Variants in ITGAM observed in about 807,000 individuals in gnomAD.
ITGAM encodes the protein integrin alpha-M.
Under a neutral mutation model 137.5 loss-of-function variants are expected in ITGAM, and 79 were observed. That is an observed-to-expected ratio of 0.57 (90% CI 0.48 to 0.69). The LOEUF (loss-of-function observed/expected upper bound fraction) is 0.69. Ranked by LOEUF, ITGAM falls within the 30% of genes least tolerant of loss-of-function variation. The pLI, the probability that ITGAM is intolerant of heterozygous loss-of-function variation, is 0.00. For synonymous variants in ITGAM, 583 were observed against 592.3 expected (o/e 0.98, Z 0.23); for missense variants, 1,343 against 1,483.5 (o/e 0.91, Z 1.56).
At chr16:31,314,884 G>A (rs954692601) in intron 14 of ITGAM, among the ~76,000 whole-genome samples, 5 of 148,348 alleles carry the variant, frequency 3.4e-5, no homozygotes, top group East Asian at 2.0e-4. Flanking sequence ...GTACAGTAGC[G>A]TGAACTGCAA....
chr16:31,324,923 T>G lies in ITGAM; in HGVS notation c.2290-35T>G. 2 of 1,568,592 alleles carry G rather than the reference T, an allele frequency of 1.3e-6. No individual in the cohort carries two copies. The highest frequency in any genetic ancestry group is 1.7e-6 in the Non-Finnish European group (2 of 1,153,646). ...AATTTCACAATACTTGGTTATTTTCTTTCCTTTCATTTGATCATATTTATT... is the reference window on the plus strand; with the variant it reads ...AATTTCACAATACTTGGTTATTTTCGTTCCTTTCATTTGATCATATTTATT... On this transcript the variant is annotated intron_variant, in intron 18 of 29. Coordinates refer to ENST00000544665, the MANE Select transcript of ITGAM (RefSeq NM_000632.4). The surrounding 1 kb of genome is among the most constrained non-coding windows in gnomAD (Gnocchi z 4.5).
At chr16:31,281,848 T>A (rs2079972904) in intron 12 of ITGAM, among the ~76,000 whole-genome samples, 1 of 152,242 alleles carries the variant, frequency 6.6e-6, no homozygotes. Flanking sequence ...CTTTCTCTTG[T>A]GGGCATTTAG....
chr16:31,274,638 T>G (rs1157737675), intron 8 of ITGAM, among the ~76,000 whole-genome samples: 2 of 152,068 alleles, frequency 1.3e-5, no homozygotes, highest in South Asian at 2.1e-4. Flanking sequence ...ATTTTGAGAC[T>G]GAGTCTTGCT....
intron 27 of ITGAM, 31 bp from the exon 28 acceptor site, chr16:31,330,473 A>G (rs777891069): frequency 2.5e-6 from 4 of 1,609,940 alleles, no homozygotes; most frequent in Non-Finnish European, 3.4e-6. Flanking sequence ...CTCAGGGCCC[A>G]GGTGCAGTGC....
intron 12 of ITGAM, among the ~76,000 whole-genome samples, chr16:31,285,800 C>CTT (rs2080022895): frequency 6.6e-6 from 1 of 151,032 alleles, no homozygotes; most frequent in Admixed American, 6.6e-5. Context: ...TCTTTTCTCT[C>CTT]TCTTTTTTTT....
chr16:31,305,550 T>G (rs1317154283), intron 14 of ITGAM, among the ~76,000 whole-genome samples: 1 of 152,230 alleles, frequency 6.6e-6, no homozygotes, highest in Non-Finnish European at 1.5e-5. Context: ...TTAGTGAGAA[T>G]GCTTTCAACT....
chr16:31,280,634 T>A (rs1179637867), intron 12 of ITGAM, among the ~76,000 whole-genome samples: 3 of 152,216 alleles, frequency 2.0e-5, no homozygotes, highest in Non-Finnish European at 4.4e-5. Flanking sequence ...AAGGACGTTT[T>A]GGGTTGAGAC....
At chr16:31,329,730 G>C (rs1412657962) in intron 24 of ITGAM, 68 bp from the exon 25 acceptor site, 1 of 1,368,962 alleles carries the variant, frequency 7.3e-7, no homozygotes. Flanking sequence ...CCGTGGGGAG[G>C]GGAGGCTGAT....
chr16:31,327,423 C>CAAA (rs71151472), intron 22 of ITGAM, among the ~76,000 whole-genome samples: 4,730 of 139,690 alleles, frequency 0.034, 104 homozygotes, highest in Middle Eastern at 0.078. Context: ...CCTGTTTCTA[C>CAAA]AAAAAAAAAA....
chr16:31,325,577 C>T lies in ITGAM; in HGVS notation c.2583C>T (p.Ser861=). Residue 861 remains serine (S), a synonymous_variant, in exon 21 of 30, where the codon AGC becomes AGT. Transcript: ENST00000544665. ...CCGAAGTGTCTGGGGCCTTGAAGAG[C>T]ACCAGCTGCAGCATAAACCACCCCA... ...SSTEVSGALK[S]TSCSINHPIF... 6.2e-7 allele frequency: 1 copy of T among 1,613,944 alleles called. No individual in the cohort carries two copies. Among genetic ancestry groups the T allele is most frequent in the Non-Finnish European group, 8.5e-7 (1 of 1,179,872 alleles).
intron 14 of ITGAM, among the ~76,000 whole-genome samples, chr16:31,303,635 TCC>T (rs2080237897): frequency 1.3e-5 from 2 of 152,162 alleles, no homozygotes; most frequent in East Asian, 3.9e-4. Context: ...GTCCTCAAAG[TCC>T]GTTACATCAC....
Position 31,328,316 on chromosome 16 carries a change from G to A in ITGAM, c.2792+86G>A, listed in dbSNP as rs887967567. 4.1e-5 allele frequency: 38 copies of A among 920,494 alleles called. 1 individual carries two copies. The highest frequency in any genetic ancestry group is 4.0e-4 in the South Asian group (29 of 72,856). 57.0% of individuals were successfully genotyped at this position (920,494 alleles called of 1,614,324 possible). A position where few individuals can be genotyped will look rare whatever the true frequency, so the allele number is the denominator to read the frequency against. ...CATCTGTGTGCATGAGTCTGTGCAT[G>A]TGTGTGTGTGTGAGAGTCTGAGGAT... On this transcript the variant is annotated intron_variant, in intron 23 of 29. Coordinates refer to ENST00000544665, the MANE Select transcript of ITGAM (RefSeq NM_000632.4).
chr16:31,289,814 G>T (rs2080068019), intron 12 of ITGAM, among the ~76,000 whole-genome samples: 1 of 152,132 alleles, frequency 6.6e-6, no homozygotes, highest in African/African-American at 2.4e-5. Context: ...GGGCCCAGTG[G>T]CTCACGCCTG....
chr16:31,328,688 A>T (rs1016209008), intron 23 of ITGAM, among the ~76,000 whole-genome samples: 2 of 141,938 alleles, frequency 1.4e-5, no homozygotes, highest in African/African-American at 5.4e-5. Flanking sequence ...ATGGGTGTGT[A>T]TTTGTGCATG....
At position 31,260,098 on chromosome 16, in the gene ITGAM, TG is replaced by T. The variant is rs2079682192; in HGVS notation, c.28+11del. On this transcript the variant is annotated splice_region_variant and intron_variant, in intron 1 of 29. Transcript: ENST00000544665. ...CAGAGTCCTTCTGTTAACAGGTGCATGGGGGTGGGGTGGGGGACTCTGGGTG... is the reference window on the plus strand; with the variant it reads ...CAGAGTCCTTCTGTTAACAGGTGCATGGGGTGGGGTGGGGGACTCTGGGTG... 9.3e-6 allele frequency: 3 copies of T among 320,896 alleles called. No individual in the cohort carries two copies. Among genetic ancestry groups the T allele is most frequent in the East Asian group, 8.4e-5 (1 of 11,916 alleles). The allele number at this position is 320,896 out of a possible 1,614,324, so 19.9% of individuals were successfully genotyped here.
At chr16:31,305,439 C>G (rs552169663) in intron 14 of ITGAM, among the ~76,000 whole-genome samples, 1 of 152,084 alleles carries the variant, frequency 6.6e-6, no homozygotes, top group South Asian at 2.1e-4. Context: ...CAATTTGGAC[C>G]CCTTTATTTC....
intron 12 of ITGAM, 144 bp downstream of exon 12, chr16:31,278,253 C>G (rs1275908172): frequency 1.2e-6 from 1 of 859,192 alleles, no homozygotes; most frequent in East Asian, 2.7e-5. Context: ...GTGGGATCAG[C>G]TTAGCATTTG....
At chr16:31,317,845 T>C (rs2080408176) in intron 14 of ITGAM, among the ~76,000 whole-genome samples, 1 of 152,190 alleles carries the variant, frequency 6.6e-6, no homozygotes, top group African/African-American at 2.4e-5. Context: ...TGGATCTATG[T>C]TCAATAGGGA....
chr16:31,272,448 T>C (rs2079855696), intron 7 of ITGAM, among the ~76,000 whole-genome samples: 2 of 13,044 alleles, frequency 1.5e-4, no homozygotes, highest in African/African-American at 3.8e-4. Flanking sequence ...TATATATATA[T>C]ATATATATAT....
Sources: gnomAD v4.1 joint callset for allele counts (sites outside exome capture counted in the v4.1 genomes callset) on GRCh38, gnomAD v4.1.1 for gene constraint, Gnocchi (gnomAD v3.1) non-coding constraint, MANE v1.5 for transcripts, NCBI Gene and HGNC (gene_info 2026-07-23, HGNC 2026-07-21) for gene names.